The following PTPRD variants were observed in gnomAD, a reference collection of about 807,000 sequenced individuals.
PTPRD encodes receptor-type tyrosine-protein phosphatase delta.
In PTPRD, 34 loss-of-function variants were observed where a neutral mutation model predicts 214.5. The ratio of observed to expected loss-of-function variants is 0.16; its 90% CI spans 0.12 to 0.21. PTPRD has a LOEUF of 0.21. Ranked by LOEUF, PTPRD falls within the 10% of genes least tolerant of loss-of-function variation. PTPRD has a pLI of 1.00. For synonymous variants in PTPRD, 1,128 were observed against 845.7 expected (o/e 1.33, Z -5.79); for missense variants, 2,545 against 2,398.7 (o/e 1.06, Z -1.27).
intron 2 of PTPRD, among the ~76,000 whole-genome samples, chr9:10,413,757 A>G (rs2098460280): frequency 1.3e-5 from 2 of 151,972 alleles, no homozygotes; most frequent in African/African-American, 4.8e-5. Context: ...GTACAAAAAC[A>G]GGCACATAGA....
intron 7 of PTPRD, among the ~76,000 whole-genome samples, chr9:9,577,532 C>T (rs1346394667): frequency 6.6e-6 from 1 of 151,976 alleles, no homozygotes; most frequent in African/African-American, 2.4e-5. Context: ...CCACTGCATC[C>T]AGCCTGGGGG....
chr9:10,382,089 G>A (rs904361273), intron 2 of PTPRD, among the ~76,000 whole-genome samples: 1 of 151,782 alleles, frequency 6.6e-6, no homozygotes, highest in African/African-American at 2.4e-5. Flanking sequence ...CACTGTCATT[G>A]CTATTTCCAA....
At chr9:9,969,685 CT>C (rs1380157305) in intron 4 of PTPRD, among the ~76,000 whole-genome samples, 11 of 152,198 alleles carry the variant, frequency 7.2e-5, no homozygotes, top group Non-Finnish European at 1.5e-4. Context: ...TCTACTGCCC[CT>C]GGATGACTTC....
intron 2 of PTPRD, among the ~76,000 whole-genome samples, chr9:10,607,693 A>G (rs1184126797): frequency 1.3e-5 from 2 of 151,970 alleles, no homozygotes; most frequent in African/African-American, 4.8e-5. Flanking sequence ...CCTAGAAGAA[A>G]AAAAAAGTTT....
intron 14 of PTPRD, among the ~76,000 whole-genome samples, chr9:8,535,890 A>G (rs558554000): frequency 2.0e-5 from 3 of 152,040 alleles, no homozygotes; most frequent in South Asian, 2.1e-4. Context: ...GTCTAATATG[A>G]TGCTCTTACT....
intron 3 of PTPRD, among the ~76,000 whole-genome samples, chr9:10,046,325 A>T (rs2097394998): frequency 2.0e-5 from 3 of 151,842 alleles, no homozygotes; most frequent in African/African-American, 4.8e-5. Flanking sequence ...AACTTCTAAC[A>T]TTTTATCTTA....
intron 3 of PTPRD, among the ~76,000 whole-genome samples, chr9:10,049,589 T>G (rs992507698): frequency 6.6e-6 from 1 of 152,190 alleles, no homozygotes; most frequent in African/African-American, 2.4e-5. Flanking sequence ...AGGGAATCTT[T>G]TGAAGAGAAA....
intron 35 of PTPRD, among the ~76,000 whole-genome samples, chr9:8,426,003 C>G (rs1323614764): frequency 1.3e-5 from 2 of 152,052 alleles, no homozygotes; most frequent in Non-Finnish European, 2.9e-5. Flanking sequence ...TTTACCTTCC[C>G]CTAATTGCTT....
At chr9:10,562,354 T>C (rs7849535) in intron 2 of PTPRD, among the ~76,000 whole-genome samples, 50,035 of 151,188 alleles carry the variant, frequency 0.33, 8,477 homozygotes, top group East Asian at 0.36. Context: ...GCTGCCTGTA[T>C]GTTCAGTGTC....
chr9:9,575,182 T>C (rs1403739476), intron 7 of PTPRD, among the ~76,000 whole-genome samples: 4 of 152,310 alleles, frequency 2.6e-5, no homozygotes, highest in South Asian at 4.1e-4. Flanking sequence ...CACACAGCTG[T>C]GGCTATCATA....
chr9:10,327,187 ATATAT>A (rs2096659727), intron 3 of PTPRD, among the ~76,000 whole-genome samples: 1 of 148,586 alleles, frequency 6.7e-6, no homozygotes, highest in African/African-American at 2.4e-5. Context: ...ATATATATAT[ATATAT>A]ATATATGATA....
At chr9:8,944,764 G>A (rs2099053628) in intron 11 of PTPRD, among the ~76,000 whole-genome samples, 1 of 151,798 alleles carries the variant, frequency 6.6e-6, no homozygotes, top group African/African-American at 2.4e-5. Context: ...GTGGGGTTGG[G>A]GTGAAATAAG....
chr9:10,273,826 C>T (rs1260595809), intron 3 of PTPRD, among the ~76,000 whole-genome samples: 1 of 152,058 alleles, frequency 6.6e-6, no homozygotes, highest in Admixed American at 6.5e-5. Flanking sequence ...AATGGCCTTG[C>T]TTATATCTTG....
intron 3 of PTPRD, among the ~76,000 whole-genome samples, chr9:10,285,605 C>CTTTTTTTTT (rs34225956): frequency 9.6e-6 from 1 of 104,094 alleles, no homozygotes; most frequent in African/African-American, 3.8e-5. Flanking sequence ...GGGGTCTCAT[C>CTTTTTTTTT]TTTTTTTTTT....
chr9:8,643,840 G>A (rs1018863057), intron 12 of PTPRD, among the ~76,000 whole-genome samples: 1 of 152,206 alleles, frequency 6.6e-6, no homozygotes. Context: ...GAGCAGCCTG[G>A]GTGCCACAGT....
chr9:9,793,047 C>A (rs1045968941), intron 5 of PTPRD, among the ~76,000 whole-genome samples: 1 of 152,048 alleles, frequency 6.6e-6, no homozygotes, highest in African/African-American at 2.4e-5. Flanking sequence ...GACCTTGTAA[C>A]TTCTGGATAC....
At chr9:10,057,514 T>A (rs981815217) in intron 3 of PTPRD, among the ~76,000 whole-genome samples, 1 of 152,044 alleles carries the variant, frequency 6.6e-6, no homozygotes, top group South Asian at 2.1e-4. Context: ...AAATCCTCCC[T>A]AAACATTTGG....
chr9:8,550,909 G>A (rs1008955382), intron 14 of PTPRD, among the ~76,000 whole-genome samples: 7 of 152,110 alleles, frequency 4.6e-5, no homozygotes, highest in Admixed American at 1.3e-4. Flanking sequence ...TTCTCTCCAC[G>A]GGCCTGTCTT....
At chr9:9,993,794 T>A (rs1270032863) in intron 4 of PTPRD, among the ~76,000 whole-genome samples, 1 of 152,166 alleles carries the variant, frequency 6.6e-6, no homozygotes, top group Non-Finnish European at 1.5e-5. Flanking sequence ...TCTGTTATAC[T>A]TGAATTAAGA....
Sources: allele counts gnomAD v4.1 joint callset (sites outside exome capture counted in the v4.1 genomes callset), GRCh38; gene constraint gnomAD v4.1.1; transcripts MANE v1.5; gene names NCBI Gene and HGNC (gene_info 2026-07-23, HGNC 2026-07-21).